The following TYW1B variants were observed in gnomAD, a reference collection of about 807,000 sequenced individuals.
The protein encoded by TYW1B is S-adenosyl-L-methionine-dependent tRNA 4-demethylwyosine synthase TYW1B.
A neutral mutation model predicts 86.9 loss-of-function variants in TYW1B; 73 were observed. That is an observed-to-expected ratio of 0.84 (90% confidence interval 0.70 to 1.02). The LOEUF is 1.02. Among genes scored for constraint, TYW1B ranks in the 50% least tolerant of loss-of-function variants. The pLI is 0.00. For synonymous variants in TYW1B, 248 were observed against 292.8 expected (o/e 0.85, Z 1.56); for missense variants, 637 against 827.4 (o/e 0.77, Z 2.82).
intron 13 of TYW1B, among the ~76,000 whole-genome samples, chr7:72,593,259 C>T (rs1465999329): frequency 6.6e-6 from 1 of 150,934 alleles, no homozygotes; most frequent in Non-Finnish European, 1.5e-5. Flanking sequence ...CGCCACTGCA[C>T]TCCAGCCTGG....
In TYW1B at chr7:72,749,912, GT is replaced by G. The variant is rs35656387; in HGVS notation, c.965-5312del. 2.4e-3 allele frequency among the ~76,000 whole-genome samples: 280 copies of G among 119,004 alleles called. 1 individual carries two copies. Among genetic ancestry groups the G allele is most frequent in the African/African-American group, 6.6e-3 (204 of 30,804 alleles). The allele number at this position is 119,004 out of a possible 152,430, so 78.1% of individuals were successfully genotyped here. ...CATTAATTCTATGTTGGTTTTTTTTGTTTTTTTTTTTTTTTTGAGACAAGGT... is the reference window on the plus strand; with the variant it reads ...CATTAATTCTATGTTGGTTTTTTTTGTTTTTTTTTTTTTTTGAGACAAGGT... On this transcript the variant is annotated intron_variant, in intron 7 of 13. Transcript: ENST00000620995.
At chr7:72,659,767 G>A (rs1813288025) in intron 11 of TYW1B, among the ~76,000 whole-genome samples, 1 of 152,026 alleles carries the variant, frequency 6.6e-6, no homozygotes, top group Admixed American at 6.6e-5. Context: ...AACAATGAGA[G>A]CAAAATCTTC....
intron 13 of TYW1B, among the ~76,000 whole-genome samples, chr7:72,588,428 C>T (rs1250622646): frequency 1.3e-5 from 2 of 152,180 alleles, no homozygotes; most frequent in African/African-American, 4.8e-5. Context: ...CTAGGTTTTG[C>T]TAAGAGAATA....
chr7:72,678,232 G>A (rs1475533930), intron 11 of TYW1B, among the ~76,000 whole-genome samples: 18 of 152,124 alleles, frequency 1.2e-4, no homozygotes, highest in Non-Finnish European at 2.2e-4. Flanking sequence ...TGCAAGTCTG[G>A]TGCTGATGCT....
intron 6 of TYW1B, among the ~76,000 whole-genome samples, chr7:72,780,227 C>T (rs1788028093): frequency 6.6e-6 from 1 of 152,112 alleles, no homozygotes; most frequent in Admixed American, 6.6e-5. Context: ...GCCTCAGCTA[C>T]CCAAGTAGTT....
intron 11 of TYW1B, among the ~76,000 whole-genome samples, chr7:72,691,934 A>G (rs2129570204): frequency 6.6e-6 from 1 of 152,210 alleles, no homozygotes; most frequent in East Asian, 1.9e-4. Flanking sequence ...GGCTGGGTGC[A>G]GTGGCTCACA....
intron 11 of TYW1B, among the ~76,000 whole-genome samples, chr7:72,661,722 T>C (rs1438795130): frequency 1.3e-5 from 2 of 151,900 alleles, no homozygotes; most frequent in East Asian, 1.9e-4. Flanking sequence ...CAAACTTGAC[T>C]TCCCCTATCA....
chr7:72,809,141 C>T (rs1238897253), intron 4 of TYW1B, among the ~76,000 whole-genome samples: 2 of 150,502 alleles, frequency 1.3e-5, no homozygotes, highest in African/African-American at 4.9e-5. Flanking sequence ...CTCCCAAGTT[C>T]ACGCCATTCT....
chr7:72,817,706 C>T (rs782301316), intron 2 of TYW1B, among the ~76,000 whole-genome samples: 3 of 152,108 alleles, frequency 2.0e-5, no homozygotes, highest in Non-Finnish European at 2.9e-5. Flanking sequence ...GGAAGGTACA[C>T]TCTACAGAGA....
intron 11 of TYW1B, among the ~76,000 whole-genome samples, chr7:72,652,836 C>T (rs1233312134): frequency 2.0e-5 from 3 of 152,106 alleles, no homozygotes; most frequent in South Asian, 2.1e-4. Flanking sequence ...AGGGCAAATT[C>T]GGAAATATCT....
chr7:72,779,893 T>C (rs1166146432), intron 6 of TYW1B, among the ~76,000 whole-genome samples: 3 of 149,558 alleles, frequency 2.0e-5, no homozygotes, highest in Admixed American at 6.7e-5. Flanking sequence ...TTAAGTCCTA[T>C]CTGTCCTAAA....
At chr7:72,657,599 A>G (rs1813235075) in intron 11 of TYW1B, among the ~76,000 whole-genome samples, 3 of 152,202 alleles carry the variant, frequency 2.0e-5, no homozygotes, top group African/African-American at 7.2e-5. Flanking sequence ...ACAAGTGTCA[A>G]GTCATATATA....
At chr7:72,736,363 T>C (rs150380098) in intron 8 of TYW1B, among the ~76,000 whole-genome samples, 2 of 152,228 alleles carry the variant, frequency 1.3e-5, no homozygotes, top group Non-Finnish European at 2.9e-5. Flanking sequence ...GGCAAATATT[T>C]AGGCCAAATT....
intron 7 of TYW1B, among the ~76,000 whole-genome samples, chr7:72,760,101 T>G (rs973253287): frequency 2.0e-5 from 3 of 152,158 alleles, no homozygotes; most frequent in African/African-American, 7.2e-5. Context: ...CTGCCTATAT[T>G]TGCTAATTAA....
At chr7:72,672,774 A>G (rs1192307161) in intron 11 of TYW1B, among the ~76,000 whole-genome samples, 2 of 152,188 alleles carry the variant, frequency 1.3e-5, no homozygotes, top group African/African-American at 4.8e-5. Context: ...ATATATACAC[A>G]TATGTGTGCA....
chr7:72,732,198 C>G (rs2129571103), intron 8 of TYW1B, among the ~76,000 whole-genome samples: 1 of 152,250 alleles, frequency 6.6e-6, no homozygotes, highest in Non-Finnish European at 1.5e-5. Flanking sequence ...GGGGCATCAA[C>G]ATCACACTCT....
chr7:72,578,073 G>A (rs550469633), intron 13 of TYW1B, among the ~76,000 whole-genome samples: 107 of 150,578 alleles, frequency 7.1e-4, no homozygotes, highest in Admixed American at 3.8e-3. Context: ...AACGTATGCC[G>A]TCACCCAGGA....
At chr7:72,604,949 T>C (rs146228732) in intron 13 of TYW1B, among the ~76,000 whole-genome samples, 1 of 152,336 alleles carries the variant, frequency 6.6e-6, no homozygotes, top group Non-Finnish European at 1.5e-5. Flanking sequence ...GCAAAAGTAA[T>C]TGTGGTCTTT....
At chr7:72,749,915 T>TTG (rs1554464727) in intron 7 of TYW1B, among the ~76,000 whole-genome samples, 2 of 148,142 alleles carry the variant, frequency 1.4e-5, no homozygotes, top group African/African-American at 4.9e-5. Flanking sequence ...TTTTTTTGTT[T>TTG]TTTTTTTTTT....
Sources: allele counts gnomAD v4.1 joint callset (sites outside exome capture counted in the v4.1 genomes callset), GRCh38; gene constraint gnomAD v4.1.1; transcripts MANE v1.5; gene names NCBI Gene and HGNC (gene_info 2026-07-23, HGNC 2026-07-21).